Variants in ABCC5 observed in about 807,000 individuals in gnomAD.
The protein encoded by ABCC5 is ATP-binding cassette sub-family C member 5.
Under a neutral mutation model 160.9 loss-of-function variants are expected in ABCC5, and 61 were observed. That is an observed-to-expected ratio of 0.38 (90% CI 0.31 to 0.47). The LOEUF is 0.47. ABCC5 is among the 20% of genes least tolerant of loss of function. The pLI, the probability that ABCC5 is intolerant of heterozygous loss-of-function variation, is 0.99. For synonymous variants in ABCC5, 666 were observed against 700.6 expected, an observed-to-expected ratio of 0.95 and a Z score of 0.78; for missense variants, 1,308 against 1,813.3, an observed-to-expected ratio of 0.72 and a Z score of 5.06.
At chr3:183,971,136 A>G (rs1717699597) in intron 11 of ABCC5, among the ~76,000 whole-genome samples, 1 of 152,176 alleles carries the variant, frequency 6.6e-6, no homozygotes, top group Non-Finnish European at 1.5e-5. Flanking sequence ...AACTTATATT[A>G]AGAATAAATC....
Position 183,951,981 on chromosome 3 carries a change from T to G in ABCC5, c.2690A>C (p.Asn897Thr). 1.2e-6 allele frequency: 2 copies of G among 1,612,056 alleles called. No homozygotes were observed. Among genetic ancestry groups the G allele is most frequent in the Non-Finnish European group, 1.7e-6 (2 of 1,178,442 alleles). ...CATGCTGTCACTCACCGAGGTCTCG[T>G]TCCCTCGAGTCACAGTGGTGTTCTG... ...GSGNTTVTRG[N>T]ETSVSDSMKD... The change falls in exon 19 of 30, where the codon AAC becomes ACC. Residue 897 changes from asparagine (N) to threonine (T), a missense_variant. Coordinates refer to ENST00000334444, the MANE Select transcript of ABCC5 (RefSeq NM_005688.4). This position sits in a 1 kb window ranked among gnomAD's most constrained non-coding sequence, Gnocchi z 4.7.
rs940571753 is a variant in ABCC5 at position 184,014,473 on chromosome 3, T to C, written c.-55-26A>G. The stretch of plus-strand genomic sequence containing the variant: ...CTGAAATTAAAAATTCATCAAGAAA[T>C]AGATTATTTCCTAAACAGTACTTAA... On this transcript the variant is annotated intron_variant, in intron 1 of 29. Transcript: ENST00000334444. 18 of 1,462,110 alleles carry C rather than the reference T, an allele frequency of 1.2e-5. 1 individual carries two copies. In the African/African-American group the frequency reaches 1.6e-4, roughly 13 times the overall value. The allele number at this position is 1,462,110 out of a possible 1,614,324, so 90.6% of individuals were successfully genotyped here.
chr3:183,989,061 C>T (rs1719490747), intron 3 of ABCC5, among the ~76,000 whole-genome samples, 165 bp downstream of exon 3: 1 of 148,694 alleles, frequency 6.7e-6, no homozygotes, highest in South Asian at 2.1e-4. Context: ...CCCAGCTACT[C>T]AGGAGGCTGA....
intron 2 of ABCC5, among the ~76,000 whole-genome samples, chr3:184,012,785 C>A (rs1721866919): frequency 6.6e-6 from 1 of 152,138 alleles, no homozygotes; most frequent in South Asian, 2.1e-4. Context: ...TTACATTAAG[C>A]CTGTTTCTCT....
chr3:184,004,415 G>A (rs375616629), intron 2 of ABCC5, among the ~76,000 whole-genome samples: 13 of 151,114 alleles, frequency 8.6e-5, no homozygotes, highest in Admixed American at 2.6e-4. Context: ...GAGACTGAGG[G>A]CAGGAGAATT....
intron 5 of ABCC5, chr3:183,984,968 GTAA>G: frequency 7.7e-7 from 1 of 1,297,660 alleles, no homozygotes; most frequent in Non-Finnish European, 1.1e-6. Context: ...TCAGCACTGG[GTAA>G]TAGCATCAGC....
At position 183,937,918 on chromosome 3, in the gene ABCC5, C is replaced by T. The variant is rs760779463; in HGVS notation, c.3837G>A (p.Leu1279=). 1 of 1,614,156 alleles carries T rather than the reference C, an allele frequency of 6.2e-7. No homozygotes were observed. The highest frequency in any genetic ancestry group is 8.5e-7 in the Non-Finnish European group (1 of 1,180,018). ...KLSIIPQEPV[L]FSGTVRSNLD... is the part of the protein sequence containing the mutation. Reference sequence around the variant, plus strand: ...GTCCTCACCTGACAGTGCCACTGAACAGCACCGGCTCTTGAGGAATGATAG... The same window carrying T: ...GTCCTCACCTGACAGTGCCACTGAATAGCACCGGCTCTTGAGGAATGATAG... Residue 1279 remains leucine, a synonymous_variant, in exon 26 of 30, where the codon CTG becomes CTA. Coordinates refer to ENST00000334444, the MANE Select transcript of ABCC5 (RefSeq NM_005688.4).
At chr3:183,939,887 C>G (rs1481682659) in intron 25 of ABCC5, among the ~76,000 whole-genome samples, 1 of 152,056 alleles carries the variant, frequency 6.6e-6, no homozygotes, top group African/African-American at 2.4e-5. Context: ...CATGAAAGAC[C>G]TCTTGTGAGG....
chr3:183,998,791 G>A (rs1458747995), intron 2 of ABCC5, among the ~76,000 whole-genome samples: 1 of 152,112 alleles, frequency 6.6e-6, no homozygotes, highest in Non-Finnish European at 1.5e-5. Context: ...ACCAGATTAA[G>A]ATAAACAATG....
intron 2 of ABCC5, among the ~76,000 whole-genome samples, chr3:184,011,032 G>A (rs1452755932): frequency 3.3e-5 from 5 of 151,770 alleles, no homozygotes; most frequent in Admixed American, 6.6e-5. Context: ...GTGAGCCACC[G>A]TGCCCGGCCC....
chr3:183,951,631 A>G lies in ABCC5; in HGVS notation c.2815-61T>C. 1 of 1,587,996 alleles carries G rather than the reference A, an allele frequency of 6.3e-7. No individual in the cohort carries two copies. The highest frequency in any genetic ancestry group is 8.6e-7 in the Non-Finnish European group (1 of 1,166,868). On this transcript the variant is annotated intron_variant, in intron 19 of 29. Coordinates refer to ENST00000334444, the MANE Select transcript of ABCC5 (RefSeq NM_005688.4). This position sits in a 1 kb window ranked among gnomAD's most constrained non-coding sequence, Gnocchi z 4.7. ...GACGGCTCTGTTCCTACTGGTCCAG[A>G]GAACCGCTCCGCAGCACATCCACTC...
Position 183,988,819 on chromosome 3 carries a change from T to C in ABCC5, c.288-92A>G. 1 of 1,371,250 alleles carries C rather than the reference T, an allele frequency of 7.3e-7. No homozygotes were observed. Among genetic ancestry groups the C allele is most frequent in the Non-Finnish European group, 9.9e-7 (1 of 1,011,890 alleles). The allele number at this position is 1,371,250 out of a possible 1,614,324, so 84.9% of individuals were successfully genotyped here. A position where few individuals can be genotyped will look rare whatever the true frequency, so the allele number is the denominator to read the frequency against. On this transcript the variant is annotated intron_variant, in intron 3 of 29. Coordinates refer to ENST00000334444, the MANE Select transcript of ABCC5 (RefSeq NM_005688.4). This position sits in a 1 kb window ranked among gnomAD's most constrained non-coding sequence, Gnocchi z 4.4. ...GACACTGTTTAGTGAACACAGCTCT[T>C]AGCTAAAGACCAGTCTCCCCAGATG...
At position 183,925,590 on chromosome 3, in the gene ABCC5, C is replaced by T. The variant is rs759311859; in HGVS notation, c.4177G>A (p.Gly1393Ser). Residue 1393 changes from glycine to serine, a missense_variant, in exon 29 of 30, where the codon GGC becomes AGC. Gly to Ser is a moderately conservative substitution (Grantham distance 56, BLOSUM62 0). Around this residue, in one of 3 missense-constraint regions of ABCC5, gnomAD observed 163 missense variants for 269.7 expected, o/e 0.60. Coordinates refer to ENST00000334444, the MANE Select transcript of ABCC5 (RefSeq NM_005688.4). ...TIAHRLHTVL[G>S]SDRIMVLAQG... ...GCCAGCACCATAATCCTATCGGAGCCTAGAACCGTGTGCAGGCGATGGGCA... is the reference window on the plus strand; with the variant it reads ...GCCAGCACCATAATCCTATCGGAGCTTAGAACCGTGTGCAGGCGATGGGCA... The T allele has an allele frequency of 6.8e-6, 11 of 1,613,936 alleles. No homozygotes were observed. In the South Asian group the frequency reaches 7.7e-5, roughly 11 times the overall value.
chr3:183,972,512 T>C (rs1031226072), intron 10 of ABCC5, among the ~76,000 whole-genome samples: 15 of 152,258 alleles, frequency 9.9e-5, no homozygotes, highest in South Asian at 2.1e-4. Context: ...GCCTTGGAAC[T>C]TGAGAGTTCA....
At chr3:183,936,363 A>T (rs559446021) in intron 26 of ABCC5, among the ~76,000 whole-genome samples, 1 of 152,312 alleles carries the variant, frequency 6.6e-6, no homozygotes, top group Admixed American at 6.5e-5. Context: ...GAGCAGACTA[A>T]GATATCTACC....
At chr3:184,012,779 A>G (rs1560061196) in intron 2 of ABCC5, among the ~76,000 whole-genome samples, 1 of 152,236 alleles carries the variant, frequency 6.6e-6, no homozygotes, top group South Asian at 2.1e-4. Flanking sequence ...CACTGATTAC[A>G]TTAAGCCTGT....
chr3:183,982,507 G>A lies in ABCC5; in HGVS notation c.943C>T (p.Leu315=). 1 of 1,614,164 alleles carries A rather than the reference G, an allele frequency of 6.2e-7. No individual in the cohort carries two copies. The highest frequency in any genetic ancestry group is 1.7e-4 in the Middle Eastern group (1 of 6,034). Residue 315 remains leucine (L), a synonymous_variant, in exon 7 of 30, where the codon CTG becomes TTG. Transcript: ENST00000334444. The surrounding 1 kb of genome is among the most constrained non-coding windows in gnomAD (Gnocchi z 5.2). ...ILGMIYNVII[L]GPTGFLGSAV... ...GATCCCAGGAAGCCTGTTGGTCCCA[G>A]AATAATTACATTATAAATCATGCCT...
At chr3:184,003,413 C>T (rs1055035390) in intron 2 of ABCC5, among the ~76,000 whole-genome samples, 1 of 152,176 alleles carries the variant, frequency 6.6e-6, no homozygotes, top group Non-Finnish European at 1.5e-5. Flanking sequence ...CCCTGACCAT[C>T]TTAAGCTCTT....
intron 2 of ABCC5, among the ~76,000 whole-genome samples, chr3:184,012,511 A>C (rs143840568): frequency 6.6e-6 from 1 of 152,326 alleles, no homozygotes; most frequent in Non-Finnish European, 1.5e-5. Context: ...AAATGACGTA[A>C]GTAGCTTATC....
Sources: gnomAD v4.1 joint callset for allele counts (sites outside exome capture counted in the v4.1 genomes callset) on GRCh38, gnomAD v4.1.1 for gene constraint, gnomAD v4.1.1 regional missense constraint, Gnocchi (gnomAD v3.1) non-coding constraint, MANE v1.5 for transcripts, NCBI Gene and HGNC (gene_info 2026-07-23, HGNC 2026-07-21) for gene names.